Variants in TRAPPC9 observed in about 807,000 individuals in gnomAD.
The protein encoded by TRAPPC9 is IKK2 binding protein.
TRAPPC9 carries 83 observed loss-of-function variants against 124.0 expected under a neutral mutation model. That is an observed-to-expected ratio of 0.67 (90% CI 0.56 to 0.80). The LOEUF (loss-of-function observed/expected upper bound fraction) is 0.80. TRAPPC9 is among the 30% of genes least tolerant of loss of function. The probability of loss-of-function intolerance (pLI) is 0.00; values close to 1 mark genes in which losing one functional copy is unlikely to be tolerated. For missense variants in TRAPPC9, 1,302 were observed against 1,508.3 expected, an observed-to-expected ratio of 0.86 and a Z score of 2.27; for synonymous variants, 638 against 617.5, an observed-to-expected ratio of 1.03 and a Z score of -0.49.
In TRAPPC9 at chr8:140,140,879, G is replaced by A. The variant is rs116178534; in HGVS notation, c.2556+80580C>T. Among the ~76,000 whole-genome samples the A allele has an allele frequency of 7.5e-3, 1,134 of 152,174 alleles. 22 individuals carry two copies. Among genetic ancestry groups the A allele is most frequent in the African/African-American group, 0.026 (1,062 of 41,512 alleles). On this transcript the variant is annotated intron_variant, in intron 17 of 22. Coordinates refer to ENST00000438773, the MANE Select transcript of TRAPPC9 (RefSeq NM_001160372.4). ...CAATCACCACCCCAATGGGCTGCAC[G>A]GTCAGTTTTCCCCTCAGCCAGTCAC...
intron 4 of TRAPPC9, among the ~76,000 whole-genome samples, chr8:140,429,876 G>A (rs1255054406): frequency 6.6e-6 from 1 of 151,996 alleles, no homozygotes; most frequent in African/African-American, 2.4e-5. Flanking sequence ...GCCAGGTGTG[G>A]TGGCTCACGC....
At chr8:140,418,072 G>A (rs1444600001) in intron 5 of TRAPPC9, among the ~76,000 whole-genome samples, 2 of 152,188 alleles carry the variant, frequency 1.3e-5, no homozygotes, top group African/African-American at 2.4e-5. Flanking sequence ...GGAATGGGGG[G>A]CTAGGGGAAG....
chr8:139,736,692 C>T (rs1389717394), intron 21 of TRAPPC9, among the ~76,000 whole-genome samples: 1 of 152,198 alleles, frequency 6.6e-6, no homozygotes, highest in Non-Finnish European at 1.5e-5. Context: ...ATGATGGCGG[C>T]GATGCTCGCA....
intron 19 of TRAPPC9, chr8:139,932,148 T>C (rs1833187210): frequency 2.7e-6 from 1 of 366,018 alleles, no homozygotes; most frequent in South Asian, 2.0e-5. Context: ...GGCAGGGCTT[T>C]GGTGCTCAGA....
intron 21 of TRAPPC9, among the ~76,000 whole-genome samples, chr8:139,819,765 A>G (rs1192774203): frequency 6.6e-6 from 1 of 152,072 alleles, no homozygotes; most frequent in Admixed American, 6.6e-5. Context: ...TGTAATCCCA[A>G]TACTTTGGGA....
chr8:140,133,966 A>G (rs2061249890), intron 17 of TRAPPC9, among the ~76,000 whole-genome samples: 2 of 152,176 alleles, frequency 1.3e-5, no homozygotes, highest in Admixed American at 6.5e-5. Flanking sequence ...TAAGATGCCA[A>G]TACTACCCAA....
At chr8:140,126,814 G>A (rs1214749589) in intron 17 of TRAPPC9, among the ~76,000 whole-genome samples, 1 of 152,234 alleles carries the variant, frequency 6.6e-6, no homozygotes, top group Non-Finnish European at 1.5e-5. Context: ...CGTGGCAGGT[G>A]TGGGGGCAGG....
chr8:139,828,361 A>G (rs1448268039), intron 21 of TRAPPC9, among the ~76,000 whole-genome samples: 2 of 152,160 alleles, frequency 1.3e-5, no homozygotes, highest in Non-Finnish European at 2.9e-5. Context: ...TTTATGATCT[A>G]TTTGGCATCT....
At chr8:140,452,175 C>T (rs2071486190) in intron 1 of TRAPPC9, among the ~76,000 whole-genome samples, 2 of 149,910 alleles carry the variant, frequency 1.3e-5, no homozygotes, top group African/African-American at 4.9e-5. Flanking sequence ...AATCCCAGCA[C>T]TTTGGGAAGC....
At position 140,204,536 on chromosome 8, in the gene TRAPPC9, C is replaced by T. The variant is rs542145189; in HGVS notation, c.2556+16923G>A. ...ATACCTAATGTAAATGACAAGTTAA[C>T]GGGTGCAGCCCACCAACATGGCACA... On this transcript the variant is annotated intron_variant, in intron 17 of 22. Coordinates refer to ENST00000438773, the MANE Select transcript of TRAPPC9 (RefSeq NM_001160372.4). Among the ~76,000 whole-genome samples, 65 of 151,998 alleles carry T rather than the reference C, an allele frequency of 4.3e-4. No individual in the cohort carries two copies. In the Middle Eastern group the frequency reaches 0.01, roughly 24 times the overall value.
intron 19 of TRAPPC9, among the ~76,000 whole-genome samples, chr8:139,985,526 G>A (rs530073218): frequency 9.9e-5 from 15 of 152,064 alleles, no homozygotes; most frequent in South Asian, 2.1e-4. Context: ...CAGCCCTCAC[G>A]GCTCATACAC....
At chr8:140,365,072 G>T (rs889293891) in intron 8 of TRAPPC9, among the ~76,000 whole-genome samples, 1 of 151,552 alleles carries the variant, frequency 6.6e-6, no homozygotes, top group African/African-American at 2.4e-5. Flanking sequence ...ATTCACGCTG[G>T]CCTCAGGGGA....
chr8:140,131,628 C>T (rs1046834314), intron 17 of TRAPPC9, among the ~76,000 whole-genome samples: 6 of 152,172 alleles, frequency 3.9e-5, no homozygotes, highest in African/African-American at 9.7e-5. Flanking sequence ...ACCCTGCCAC[C>T]GAAAAATGAA....
chr8:140,158,837 C>T (rs1011122587), intron 17 of TRAPPC9, among the ~76,000 whole-genome samples: 5 of 152,188 alleles, frequency 3.3e-5, no homozygotes, highest in African/African-American at 1.2e-4. Context: ...TTCATATCAT[C>T]TCTTCCCCTA....
At chr8:139,924,061 T>A (rs938565816) in intron 19 of TRAPPC9, among the ~76,000 whole-genome samples, 1 of 152,148 alleles carries the variant, frequency 6.6e-6, no homozygotes, top group South Asian at 2.1e-4. Context: ...CAGGCCTTCT[T>A]GTCCCAGGCC....
rs1842734246 is a variant in TRAPPC9 at position 140,063,304 on chromosome 8, G to A, written c.2557-39225C>T. On this transcript the variant is annotated intron_variant, in intron 17 of 22. Coordinates refer to ENST00000438773, the MANE Select transcript of TRAPPC9 (RefSeq NM_001160372.4). This position sits in a 1 kb window ranked among gnomAD's most constrained non-coding sequence, Gnocchi z 4.3. ...TTTCAGTTACTCCTCTTTGGCCCAC[G>A]TGGCCTTCCGCTTCCTGTGCTCTCA... Among the ~76,000 whole-genome samples the A allele has an allele frequency of 1.3e-5, 2 of 152,180 alleles. No homozygotes were observed. The highest frequency in any genetic ancestry group is 1.9e-4 in the East Asian group (1 of 5,204).
At chr8:139,858,975 C>G (rs566550457) in intron 21 of TRAPPC9, among the ~76,000 whole-genome samples, 1 of 149,476 alleles carries the variant, frequency 6.7e-6, no homozygotes, top group South Asian at 2.2e-4. Flanking sequence ...AATTGGGCCC[C>G]GAGTTTCAGA....
intron 19 of TRAPPC9, among the ~76,000 whole-genome samples, chr8:139,959,123 ACTG>A (rs1835211492): frequency 5.3e-5 from 8 of 151,970 alleles, no homozygotes; most frequent in South Asian, 4.2e-4. Context: ...CACACAGGGG[ACTG>A]GCTCCCAGCT....
intron 21 of TRAPPC9, among the ~76,000 whole-genome samples, chr8:139,815,630 G>A (rs1280410459): frequency 1.4e-5 from 2 of 146,216 alleles, no homozygotes; most frequent in East Asian, 4.1e-4. Context: ...GACCTCAAAT[G>A]ATCCGCCCAG....
Sources: allele counts gnomAD v4.1 joint callset (sites outside exome capture counted in the v4.1 genomes callset), GRCh38; gene constraint gnomAD v4.1.1; non-coding constraint Gnocchi (gnomAD v3.1); transcripts MANE v1.5; gene names NCBI Gene and HGNC (gene_info 2026-07-23, HGNC 2026-07-21).